COBL: variants seen among roughly 807,000 people sequenced by gnomAD.
The protein encoded by COBL is cordon-bleu WH2 repeat protein, also known as protein cordon-bleu.
Under a neutral mutation model 98.8 loss-of-function variants are expected in COBL, and 51 were observed. That is an observed-to-expected ratio of 0.52 (90% CI 0.41 to 0.65). COBL has a LOEUF of 0.65. COBL is among the 30% of genes least tolerant of loss of function. COBL has a pLI of 0.00. For missense variants in COBL, 1,617 were observed against 1,617.5 expected (o/e 1.00, Z 0.01); for synonymous variants, 634 against 651.7 (o/e 0.97, Z 0.41).
At chr7:51,082,898 A>G (rs1430575206) in intron 7 of COBL, among the ~76,000 whole-genome samples, 1 of 152,218 alleles carries the variant, frequency 6.6e-6, no homozygotes, top group Non-Finnish European at 1.5e-5. Flanking sequence ...TTCTCTGTGA[A>G]ATCAGACACA....
At chr7:51,047,482 C>T (rs1789829368) in intron 7 of COBL, among the ~76,000 whole-genome samples, 1 of 152,182 alleles carries the variant, frequency 6.6e-6, no homozygotes, top group African/African-American at 2.4e-5. Context: ...TTTACAGAGT[C>T]AGCAAAGATA....
chr7:51,085,456 G>A (rs1794139201), intron 6 of COBL, 152 bp from the exon 7 acceptor site: 1 of 830,506 alleles, frequency 1.2e-6, no homozygotes, highest in Admixed American at 2.9e-5. Flanking sequence ...CCCTTTCCAG[G>A]TCCTCCCACA....
intron 2 of COBL, among the ~76,000 whole-genome samples, chr7:51,207,772 G>A (rs555675435): frequency 1.3e-5 from 2 of 152,374 alleles, no homozygotes; most frequent in African/African-American, 4.8e-5. Context: ...CGTGATCTCA[G>A]CTCGCTACAA....
intron 1 of COBL, among the ~76,000 whole-genome samples, chr7:51,249,709 T>C (rs1012763874): frequency 6.6e-6 from 1 of 152,178 alleles, no homozygotes; most frequent in Non-Finnish European, 1.5e-5. Context: ...GAATAACAAC[T>C]GGATTACCAG....
At chr7:51,040,652 C>A (rs1789091246) in intron 8 of COBL, among the ~76,000 whole-genome samples, 1 of 152,176 alleles carries the variant, frequency 6.6e-6, no homozygotes, top group Non-Finnish European at 1.5e-5. Flanking sequence ...GGCCAAACAG[C>A]TAGTTAGTGG....
intron 5 of COBL, among the ~76,000 whole-genome samples, chr7:51,159,094 C>T (rs1452387672): frequency 2.6e-5 from 4 of 152,144 alleles, no homozygotes; most frequent in African/African-American, 4.8e-5. Context: ...TGGAGGAGGG[C>T]AGCGGGGGCG....
intron 1 of COBL, among the ~76,000 whole-genome samples, chr7:51,260,713 G>A (rs1383218056): frequency 6.6e-6 from 1 of 152,234 alleles, no homozygotes; most frequent in East Asian, 1.9e-4. Context: ...GTTGTGGGAT[G>A]TGTGAAGAAC....
intron 2 of COBL, among the ~76,000 whole-genome samples, chr7:51,199,238 G>T (rs1267066011): frequency 6.6e-6 from 1 of 152,128 alleles, no homozygotes; most frequent in Non-Finnish European, 1.5e-5. Flanking sequence ...CCCAACTGCA[G>T]ACCCTGAAAC....
At chr7:51,181,383 A>C (rs2129050349) in intron 5 of COBL, among the ~76,000 whole-genome samples, 1 of 152,334 alleles carries the variant, frequency 6.6e-6, no homozygotes, top group East Asian at 1.9e-4. Context: ...TTGAGCTGTA[A>C]CACTGAGTGA....
At chr7:51,115,850 A>G (rs1221755371) in intron 6 of COBL, among the ~76,000 whole-genome samples, 2 of 151,950 alleles carry the variant, frequency 1.3e-5, no homozygotes, top group Non-Finnish European at 2.9e-5. Flanking sequence ...GGATGTGTCT[A>G]TTTCTCCTAA....
chr7:51,183,382 A>G lies in COBL; in HGVS notation c.783+720T>C, dbSNP rs545321532. Among the ~76,000 whole-genome samples the G allele has an allele frequency of 4.6e-5, 7 of 152,326 alleles. No homozygotes were observed. The South Asian group carries it at 1.2e-3, about 27-fold the overall frequency. ...AGATATTAGTAAAATATACTTGTGA[A>G]GCAAATATAAATACGGATAATGAGC... On this transcript the variant is annotated intron_variant, in intron 5 of 12. Transcript: ENST00000265136.
intron 1 of COBL, among the ~76,000 whole-genome samples, chr7:51,274,072 CA>C (rs1584374678): frequency 6.6e-6 from 1 of 152,178 alleles, no homozygotes; most frequent in African/African-American, 2.4e-5. Context: ...ACCATGCTCA[CA>C]GTTCCCCCCA....
chr7:51,112,182 T>C (rs1013394270), intron 6 of COBL, among the ~76,000 whole-genome samples: 2 of 152,230 alleles, frequency 1.3e-5, no homozygotes, highest in African/African-American at 2.4e-5. Context: ...TAGAATGCCA[T>C]GAAGTGGGAT....
chr7:51,259,793 T>TG, intron 1 of COBL: 1 of 751,594 alleles, frequency 1.3e-6, no homozygotes, highest in Non-Finnish European at 2.4e-6. Flanking sequence ...TTTTAGGTTC[T>TG]GGGGGGTGAC....
intron 8 of COBL, chr7:51,035,651 T>G (rs1002503330): frequency 5.3e-5 from 8 of 152,188 alleles, no homozygotes; most frequent in Non-Finnish European, 1.2e-4. Flanking sequence ...ACATTGAAAA[T>G]GTATAAAGAA....
chr7:51,029,073 C>G lies in COBL; in HGVS notation c.2023G>C (p.Asp675His), dbSNP rs748960468. ...RVNSQPVNEK[D>H]SNDKNAALAP... ...AAGGCAGCGTTTTTATCGTTGCTGT[C>G]CTTTTCATTCACCGGTTGGGAATTC... Residue 675 changes from aspartate (D) to histidine (H), a missense_variant, in exon 10 of 13, where the codon GAC (aspartate) becomes CAC (histidine). By Grantham distance (81) the Asp-to-His change is moderately conservative. This residue lies in a region of COBL where 1,304 missense variants were observed against 1,282.0 expected (regional missense o/e 1.02). Transcript: ENST00000265136. 3.1e-6 allele frequency: 5 copies of G among 1,614,042 alleles called. No homozygotes were observed. The highest frequency in any genetic ancestry group is 2.7e-5 in the African/African-American group (2 of 74,902).
At chr7:51,224,480 G>A (rs961264873) in intron 1 of COBL, among the ~76,000 whole-genome samples, 1 of 151,704 alleles carries the variant, frequency 6.6e-6, no homozygotes, top group African/African-American at 2.4e-5. Flanking sequence ...AGGTGGCCTT[G>A]AACAGTCTTA....
At chr7:51,211,182 C>T (rs1353669726) in intron 2 of COBL, among the ~76,000 whole-genome samples, 3 of 152,236 alleles carry the variant, frequency 2.0e-5, no homozygotes, top group African/African-American at 7.2e-5. Flanking sequence ...GGTCTGACCT[C>T]TCCTCCTCAC....
intron 12 of COBL, among the ~76,000 whole-genome samples, chr7:51,018,805 T>C (rs1034369529): frequency 3.2e-4 from 47 of 148,576 alleles, no homozygotes; most frequent in African/African-American, 1.2e-3. Context: ...GGCAAGAGAA[T>C]AGCTTGAACC....
Sources: allele counts gnomAD v4.1 joint callset (sites outside exome capture counted in the v4.1 genomes callset), GRCh38; gene constraint gnomAD v4.1.1; regional missense constraint gnomAD v4.1.1; transcripts MANE v1.5; gene names NCBI Gene and HGNC (gene_info 2026-07-23, HGNC 2026-07-21).